The following DOCK1 variants were observed in gnomAD, a reference collection of about 807,000 sequenced individuals.
The protein encoded by DOCK1 is dedicator of cytokinesis protein 1.
Under a neutral mutation model 262.7 loss-of-function variants are expected in DOCK1, and 138 were observed. That is an observed-to-expected ratio of 0.53 (90% CI 0.46 to 0.61). The LOEUF (loss-of-function observed/expected upper bound fraction) is 0.61. DOCK1 is among the 20% of genes least tolerant of loss of function. The pLI, the probability that DOCK1 is intolerant of heterozygous loss-of-function variation, is 0.00. For synonymous variants in DOCK1, 866 were observed against 867.4 expected (o/e 1.00, Z 0.03); for missense variants, 1,908 against 2,370.7 (o/e 0.80, Z 4.05).
intron 23 of DOCK1, among the ~76,000 whole-genome samples, chr10:127,076,640 C>T (rs1025124338): frequency 6.6e-6 from 1 of 152,196 alleles, no homozygotes; most frequent in Non-Finnish European, 1.5e-5. Flanking sequence ...CTGCATCCCC[C>T]ACCCCAGCAC....
chr10:127,125,438 G>T, intron 25 of DOCK1, 36 bp from the exon 26 acceptor site: 1 of 1,609,464 alleles, frequency 6.2e-7, no homozygotes, highest in South Asian at 1.1e-5. Flanking sequence ...GTCTTGGTGG[G>T]TTTCACACTG....
chr10:127,282,307 A>G (rs2060991766), intron 29 of DOCK1, among the ~76,000 whole-genome samples: 1 of 151,144 alleles, frequency 6.6e-6, no homozygotes, highest in Non-Finnish European at 1.5e-5. Flanking sequence ...CTGTTGGGGG[A>G]GTCCCAAAAG....
intron 23 of DOCK1, among the ~76,000 whole-genome samples, chr10:127,069,447 G>T (rs906351252): frequency 6.6e-6 from 1 of 152,192 alleles, no homozygotes; most frequent in African/African-American, 2.4e-5. Context: ...GCAGCTTAAA[G>T]AAATTTGGGA....
At chr10:127,304,675 A>G (rs1183970749) in intron 29 of DOCK1, among the ~76,000 whole-genome samples, 1 of 152,138 alleles carries the variant, frequency 6.6e-6, no homozygotes, top group Non-Finnish European at 1.5e-5. Flanking sequence ...GCTTGAGCCC[A>G]GGTGTTTGAG....
chr10:127,122,029 A>G (rs1419393605), intron 25 of DOCK1, among the ~76,000 whole-genome samples: 1 of 152,218 alleles, frequency 6.6e-6, no homozygotes, highest in African/African-American at 2.4e-5. Context: ...GGAGGAACAG[A>G]TAATTAAAGC....
rs2043289786 is a variant in DOCK1, at chr10:127,032,243, G to A, written c.1835G>A (p.Ser612Asn). Residue 612 changes from serine to asparagine, a missense_variant, in exon 18 of 52, where the codon AGC (serine) becomes AAC (asparagine). Ser to Asn is a conservative substitution (Grantham distance 46). This residue lies in a region of DOCK1 where 294 missense variants were observed against 439.9 expected (regional missense o/e 0.67). Transcript: ENST00000623213. Reference protein sequence around the residue: ...GHSATGKSMQSLGSCTISKDS... With the variant: ...GHSATGKSMQNLGSCTISKDS... ...TCGGCCACCGGCAAGAGCATGCAGA[G>A]CCTTGGGAGCTGCACCATTAGCAAG... 1 of 1,600,028 alleles carries A rather than the reference G, an allele frequency of 6.2e-7. No homozygotes were observed. The highest frequency in any genetic ancestry group is 8.5e-7 in the Non-Finnish European group (1 of 1,173,608).
intron 42 of DOCK1, among the ~76,000 whole-genome samples, chr10:127,410,562 G>A (rs909300761): frequency 5.9e-5 from 9 of 152,052 alleles, no homozygotes; most frequent in Non-Finnish European, 7.4e-5. Flanking sequence ...TCTCTCCTTC[G>A]CTTCACCTTT....
At chr10:127,367,980 G>T (rs2065016482) in intron 33 of DOCK1, among the ~76,000 whole-genome samples, 1 of 152,166 alleles carries the variant, frequency 6.6e-6, no homozygotes, top group Non-Finnish European at 1.5e-5. Context: ...TGTGGCCACT[G>T]TCAGCCACCC....
chr10:127,307,942 TC>T (rs1158564836), intron 29 of DOCK1, among the ~76,000 whole-genome samples: 1 of 152,230 alleles, frequency 6.6e-6, no homozygotes, highest in Non-Finnish European at 1.5e-5. Context: ...CCTGTGGCTG[TC>T]CCAGCAAGTG....
intron 1 of DOCK1, among the ~76,000 whole-genome samples, chr10:126,935,059 G>C (rs1474973870): frequency 6.6e-6 from 1 of 152,164 alleles, no homozygotes; most frequent in Non-Finnish European, 1.5e-5. Flanking sequence ...GCAGTGAGCG[G>C]ATCACGCCAC....
chr10:127,183,864 T>G (rs567603880), intron 27 of DOCK1, among the ~76,000 whole-genome samples: 1 of 152,368 alleles, frequency 6.6e-6, no homozygotes, highest in South Asian at 2.1e-4. Flanking sequence ...CCAGGTTAGT[T>G]GGTTGTTTAA....
At chr10:127,239,234 C>T (rs1241791323) in intron 27 of DOCK1, among the ~76,000 whole-genome samples, 1 of 152,108 alleles carries the variant, frequency 6.6e-6, no homozygotes, top group Admixed American at 6.5e-5. Flanking sequence ...TTGTCATGTG[C>T]AGTGTTTGAG....
At chr10:127,397,949 C>T (rs1371306559) in intron 38 of DOCK1, among the ~76,000 whole-genome samples, 1 of 152,148 alleles carries the variant, frequency 6.6e-6, no homozygotes, top group Non-Finnish European at 1.5e-5. Context: ...CTGGATGACA[C>T]AGGAAGCGAC....
chr10:127,200,110 A>G (rs940143666), intron 27 of DOCK1, among the ~76,000 whole-genome samples: 2 of 152,116 alleles, frequency 1.3e-5, no homozygotes, highest in South Asian at 2.1e-4. Flanking sequence ...TTTCTTTCCC[A>G]TGTCTTTGTT....
At chr10:126,905,770 A>T (rs2030637223) in intron 1 of DOCK1, among the ~76,000 whole-genome samples, 1 of 139,480 alleles carries the variant, frequency 7.2e-6, no homozygotes, top group Non-Finnish European at 1.6e-5. Context: ...AGCCCCGGGG[A>T]TGCGGGTCGG....
chr10:127,394,134 C>G (rs2066670772), intron 38 of DOCK1, among the ~76,000 whole-genome samples: 1 of 152,160 alleles, frequency 6.6e-6, no homozygotes, highest in Non-Finnish European at 1.5e-5. Flanking sequence ...AGAAGTCCTT[C>G]TATGAGGAAG....
intron 27 of DOCK1, among the ~76,000 whole-genome samples, chr10:127,216,328 AAAAG>A (rs2058211048): frequency 6.6e-6 from 1 of 152,076 alleles, no homozygotes; most frequent in Non-Finnish European, 1.5e-5. Context: ...AAAAAAAAGA[AAAAG>A]AACAAACAAG....
chr10:126,999,528 T>G (rs1420361988), intron 9 of DOCK1, 93 bp downstream of exon 9: 1 of 1,026,800 alleles, frequency 9.7e-7, no homozygotes, highest in African/African-American at 1.6e-5. Context: ...CACTAGAACA[T>G]GGGTCCCTGG....
intron 23 of DOCK1, among the ~76,000 whole-genome samples, chr10:127,073,674 T>C (rs961000716): frequency 2.6e-5 from 4 of 152,204 alleles, no homozygotes; most frequent in African/African-American, 9.7e-5. Context: ...AATGTTAATC[T>C]TCAGACAGAA....
Sources: allele counts gnomAD v4.1 joint callset (sites outside exome capture counted in the v4.1 genomes callset), GRCh38; gene constraint gnomAD v4.1.1; regional missense constraint gnomAD v4.1.1; transcripts MANE v1.5; gene names NCBI Gene and HGNC (gene_info 2026-07-23, HGNC 2026-07-21).